Variants in PYGO1 observed in about 807,000 individuals in gnomAD.
The protein encoded by PYGO1 is pygopus family PHD finger 1.
PYGO1 carries 6 observed loss-of-function variants against 29.5 expected under a neutral mutation model. The observed-to-expected ratio is 0.20, with a 90% CI of 0.11 to 0.40. PYGO1 has a LOEUF of 0.40. Ranked by LOEUF, PYGO1 falls within the 10% of genes least tolerant of loss-of-function variation. The probability of loss-of-function intolerance (pLI) is 1.00; values close to 1 mark genes in which losing one functional copy is unlikely to be tolerated. For synonymous variants in PYGO1, 186 were observed against 180.5 expected, an observed-to-expected ratio of 1.03 and a Z score of -0.24; for missense variants, 515 against 514.9, an observed-to-expected ratio of 1.00 and a Z score of 0.00.
chr15:55,563,411 G>T lies in PYGO1; in HGVS notation c.50-14416C>A, dbSNP rs922281136. On this transcript the variant is annotated intron_variant, in intron 1 of 2. Coordinates refer to ENST00000563719, the MANE Select transcript of PYGO1 (RefSeq NM_001367806.1). ...AGACGAAGTCTTGCTCTGTCGCCCAGGCTGGAGTGCAGTGGCACAATCTTG... is the reference window on the plus strand; with the variant it reads ...AGACGAAGTCTTGCTCTGTCGCCCATGCTGGAGTGCAGTGGCACAATCTTG... Among the ~76,000 whole-genome samples, 27 of 144,808 alleles carry T rather than the reference G, an allele frequency of 1.9e-4. No individual in the cohort carries two copies. The Admixed American group carries it at 1.9e-3, about 10-fold the overall frequency. 95.0% of individuals were successfully genotyped at this position (144,808 alleles called of 152,430 possible).
At chr15:55,555,143 C>A (rs1227108988) in intron 1 of PYGO1, among the ~76,000 whole-genome samples, 1 of 152,108 alleles carries the variant, frequency 6.6e-6, no homozygotes, top group African/African-American at 2.4e-5. Flanking sequence ...GGAAACCAAT[C>A]AGACTAACAG....
chr15:55,554,928 A>G (rs903675266), intron 1 of PYGO1, among the ~76,000 whole-genome samples: 1 of 152,196 alleles, frequency 6.6e-6, no homozygotes, highest in Non-Finnish European at 1.5e-5. Flanking sequence ...CAAGTCGGAA[A>G]ACATACTTCA....
rs2058838947 is a variant in PYGO1 at position 55,544,009 on chromosome 15, C to G, written c.*2014G>C. On this transcript the variant is annotated 3_prime_UTR_variant, in exon 3 of 3. Coordinates refer to ENST00000563719, the MANE Select transcript of PYGO1 (RefSeq NM_001367806.1). ...AATACTGCATTTTAACCTGCTTCAA[C>G]TGGTAAAGTTTTCACACAAAGGAGT... The G allele has an allele frequency of 6.6e-6, 1 of 152,134 alleles. No homozygotes were observed. The highest frequency in any genetic ancestry group is 2.4e-5 in the African/African-American group (1 of 41,420). 9.4% of individuals were successfully genotyped at this position (152,134 alleles called of 1,614,324 possible).
intron 1 of PYGO1, among the ~76,000 whole-genome samples, chr15:55,554,480 AAAAAAAAAAAAAAG>A (rs2058894661): frequency 6.0e-5 from 1 of 16,572 alleles, no homozygotes; most frequent in Non-Finnish European, 2.2e-4. Flanking sequence ...AAAAAAAAAA[AAAAAAAAAAAAAAG>A]AAAGAAAGAA....
intron 1 of PYGO1, among the ~76,000 whole-genome samples, chr15:55,550,180 T>C (rs541348725): frequency 1.1e-4 from 17 of 152,352 alleles, no homozygotes; most frequent in African/African-American, 3.8e-4. Context: ...TTAATTGATA[T>C]ACTTCCCTCC....
chr15:55,579,048 T>C (rs1217747242), intron 1 of PYGO1, among the ~76,000 whole-genome samples: 2 of 152,172 alleles, frequency 1.3e-5, no homozygotes, highest in Non-Finnish European at 2.9e-5. Flanking sequence ...ATAATCCCAC[T>C]TGGGAAGATG....
chr15:55,543,432 G>A lies in PYGO1; in HGVS notation c.*2591C>T. 6.6e-6 allele frequency: 1 copy of A among 152,138 alleles called. No individual in the cohort carries two copies. The highest frequency in any genetic ancestry group is 1.9e-4 in the East Asian group (1 of 5,202). 9.4% of individuals were successfully genotyped at this position (152,138 alleles called of 1,614,324 possible). On this transcript the variant is annotated 3_prime_UTR_variant, in exon 3 of 3. Transcript: ENST00000563719. ...TTTGGCTATGATTCACTATCAGAAT[G>A]AACCGTGAGTTTTTCTTTTGAATAT... is the stretch of plus-strand genomic sequence containing the variant.
intron 1 of PYGO1, among the ~76,000 whole-genome samples, chr15:55,562,774 G>A (rs777071926): frequency 3.8e-4 from 58 of 152,062 alleles, no homozygotes; most frequent in Non-Finnish European, 6.3e-4. Context: ...AAGAAAATGT[G>A]GTACATATAC....
intron 1 of PYGO1, among the ~76,000 whole-genome samples, chr15:55,575,199 A>C (rs1371057): frequency 0.95 from 144,280 of 152,138 alleles, 68,511 homozygotes; most frequent in Admixed American, 0.97. Context: ...AAAGATTACC[A>C]CAAAAGTGTG....
At position 55,541,643 on chromosome 15, in the gene PYGO1, C is replaced by T. The variant is rs187933093; in HGVS notation, c.*4380G>A. On this transcript the variant is annotated 3_prime_UTR_variant, in exon 3 of 3. Coordinates refer to ENST00000563719, the MANE Select transcript of PYGO1 (RefSeq NM_001367806.1). ...AAAGTCTAGCCAACTACTACTGCCA[C>T]ACAAAGACACAGGATTTCTGATGGG... 1 of 152,158 alleles carries T rather than the reference C, an allele frequency of 6.6e-6. No homozygotes were observed. The highest frequency in any genetic ancestry group is 2.4e-5 in the African/African-American group (1 of 41,432). The allele number at this position is 152,158 out of a possible 1,614,324, so 9.4% of individuals were successfully genotyped here.
chr15:55,563,641 C>T (rs183380137), intron 1 of PYGO1, among the ~76,000 whole-genome samples: 3 of 152,288 alleles, frequency 2.0e-5, no homozygotes, highest in Non-Finnish European at 4.4e-5. Flanking sequence ...TGAGCCACCA[C>T]GTCCAGCCAC....
At chr15:55,571,722 TG>T (rs2058980981) in intron 1 of PYGO1, among the ~76,000 whole-genome samples, 1 of 152,130 alleles carries the variant, frequency 6.6e-6, no homozygotes, top group African/African-American at 2.4e-5. Context: ...CATCCAGTCT[TG>T]GGTATGTCTT....
At chr15:55,560,795 T>C (rs1463657602) in intron 1 of PYGO1, among the ~76,000 whole-genome samples, 1 of 152,000 alleles carries the variant, frequency 6.6e-6, no homozygotes, top group African/African-American at 2.4e-5. Context: ...ACCCTGTCTC[T>C]ACTAAAAAAT....
intron 2 of PYGO1, among the ~76,000 whole-genome samples, chr15:55,547,606 A>G (rs1363146001): frequency 6.6e-6 from 1 of 152,198 alleles, no homozygotes; most frequent in Non-Finnish European, 1.5e-5. Context: ...CTTCAGGGAG[A>G]TACAATTAAA....
intron 1 of PYGO1, among the ~76,000 whole-genome samples, chr15:55,560,163 A>G (rs2058926763): frequency 6.6e-6 from 1 of 152,160 alleles, no homozygotes; most frequent in African/African-American, 2.4e-5. Context: ...TATTAAATAT[A>G]GTACTCAAAG....
intron 1 of PYGO1, among the ~76,000 whole-genome samples, chr15:55,571,211 A>G (rs62021866): frequency 0.054 from 8,216 of 152,280 alleles, 278 homozygotes; most frequent in Middle Eastern, 0.068. Context: ...TGGCTGAATA[A>G]TATTCCATGT....
intron 1 of PYGO1, among the ~76,000 whole-genome samples, chr15:55,580,890 C>A (rs2141677270): frequency 6.6e-6 from 1 of 152,282 alleles, no homozygotes; most frequent in African/African-American, 2.4e-5. Context: ...TCTCTACACA[C>A]CTGGGAAAAG....
intron 1 of PYGO1, among the ~76,000 whole-genome samples, chr15:55,566,907 T>C (rs1252072465): frequency 1.3e-5 from 2 of 152,152 alleles, no homozygotes; most frequent in African/African-American, 4.8e-5. Context: ...ATATTTTGTA[T>C]TTTGAGTAGA....
At position 55,556,885 on chromosome 15, in the gene PYGO1, TA is replaced by T. The variant is rs199728261; in HGVS notation, c.50-7891del. ...TATAAGCACCTCTATGCACATATAC[TA>T]AAAAAAAAACTGGAACAAATAAATT... is the stretch of plus-strand genomic sequence containing the variant. On this transcript the variant is annotated intron_variant, in intron 1 of 2. Coordinates refer to ENST00000563719, the MANE Select transcript of PYGO1 (RefSeq NM_001367806.1). Among the ~76,000 whole-genome samples, 38 of 146,908 alleles carry T rather than the reference TA, an allele frequency of 2.6e-4. No homozygotes were observed. In the East Asian group the frequency reaches 4.1e-3, roughly 16 times the overall value.
Sources: allele counts gnomAD v4.1 joint callset (sites outside exome capture counted in the v4.1 genomes callset), GRCh38; gene constraint gnomAD v4.1.1; transcripts MANE v1.5; gene names NCBI Gene and HGNC (gene_info 2026-07-23, HGNC 2026-07-21).